PIK3AP1: variants seen among roughly 807,000 people sequenced by gnomAD.
PIK3AP1 encodes the protein phosphoinositide 3-kinase adapter protein 1.
A neutral mutation model predicts 88.1 loss-of-function variants in PIK3AP1; 21 were observed. The ratio of observed to expected loss-of-function variants is 0.24; its 90% confidence interval spans 0.17 to 0.34. The LOEUF is 0.34. PIK3AP1 is among the 10% of genes least tolerant of loss of function. The probability of loss-of-function intolerance (pLI) is 1.00; values close to 1 mark genes in which losing one functional copy is unlikely to be tolerated. For missense variants in PIK3AP1, 828 were observed against 1,035.7 expected (o/e 0.80, Z 2.75); for synonymous variants, 398 against 400.0 (o/e 1.00, Z 0.06).
At chr10:96,661,823 AGGACAGGAAAGGAAAGGGAAAAGGGAAAG>A (rs1843691208) in intron 2 of PIK3AP1, among the ~76,000 whole-genome samples, 1 of 147,114 alleles carries the variant, frequency 6.8e-6, no homozygotes, top group East Asian at 2.0e-4. Context: ...AGGACAGGAC[AGGACAGGAAAGGAAAGGGAAAAGGGAAAG>A]GGAAAGGAAA....
At chr10:96,701,542 C>T (rs535337194) in intron 2 of PIK3AP1, among the ~76,000 whole-genome samples, 1 of 152,334 alleles carries the variant, frequency 6.6e-6, no homozygotes, top group South Asian at 2.1e-4. Flanking sequence ...AACCATTCAT[C>T]TTCTTATGAA....
Position 96,599,106 on chromosome 10 carries a change from T to C in PIK3AP1, c.2360+3174A>G, listed in dbSNP as rs79878842. 2.6e-5 allele frequency among the ~76,000 whole-genome samples: 4 copies of C among 151,750 alleles called. No individual in the cohort carries two copies. The East Asian group carries it at 5.8e-4, about 22-fold the overall frequency. ...AAGAATGAACTTAGGCACTAGCAGA[T>C]GGAAAGGAGGGCGGATCTGACAGCT... On this transcript the variant is annotated intron_variant, in intron 16 of 16. Transcript: ENST00000339364.
intron 1 of PIK3AP1, among the ~76,000 whole-genome samples, chr10:96,710,225 T>C (rs992084808): frequency 6.6e-6 from 1 of 151,794 alleles, no homozygotes; most frequent in Non-Finnish European, 1.5e-5. Flanking sequence ...TATTTATTTA[T>C]TTATTTATTT....
rs373081849 is a variant in PIK3AP1 at position 96,663,627 on chromosome 10, CAAAAAAAAAAA to C, written c.431-6704_431-6694del. Among the ~76,000 whole-genome samples the C allele has an allele frequency of 1.3e-3, 54 of 42,988 alleles. No individual in the cohort carries two copies. The Middle Eastern group carries it at 0.091, about 72-fold the overall frequency. The allele number at this position is 42,988 out of a possible 152,430, so 28.2% of individuals were successfully genotyped here. ...CCTGGGCAACAGAGTGAGACTCCGT[CAAAAAAAAAAA>C]AAAAAAAAAAAAAAAAGAAACCCAT... On this transcript the variant is annotated intron_variant, in intron 2 of 16. Coordinates refer to ENST00000339364, the MANE Select transcript of PIK3AP1 (RefSeq NM_152309.3).
chr10:96,710,344 C>T (rs569722924), intron 1 of PIK3AP1, among the ~76,000 whole-genome samples: 1 of 152,282 alleles, frequency 6.6e-6, no homozygotes, highest in African/African-American at 2.4e-5. Context: ...GCCTCAGCCT[C>T]CCAAGTAACT....
At chr10:96,707,161 C>T (rs1844374692) in intron 2 of PIK3AP1, among the ~76,000 whole-genome samples, 1 of 152,208 alleles carries the variant, frequency 6.6e-6, no homozygotes, top group South Asian at 2.1e-4. Context: ...GCATACTGAA[C>T]TACAGTCTTT....
In PIK3AP1 at chr10:96,634,382, A is replaced by T. The variant is rs189131723; in HGVS notation, c.1376-5889T>A. ...CAAACTTAAGTCAGAGAAAGGCAGC[A>T]GCTGAAACCAGGCAATTAATAGAGA... On this transcript the variant is annotated intron_variant, in intron 8 of 16. Coordinates refer to ENST00000339364, the MANE Select transcript of PIK3AP1 (RefSeq NM_152309.3). 7.2e-5 allele frequency among the ~76,000 whole-genome samples: 11 copies of T among 152,352 alleles called. No homozygotes were observed. In the East Asian group the frequency reaches 1.9e-3, roughly 27 times the overall value.
intron 8 of PIK3AP1, among the ~76,000 whole-genome samples, chr10:96,628,879 T>TATAC (rs1564961151): frequency 0.067 from 687 of 10,284 alleles, 76 homozygotes; most frequent in South Asian, 0.14. Context: ...TATACACATA[T>TATAC]ATATATATAC....
intron 14 of PIK3AP1, among the ~76,000 whole-genome samples, chr10:96,604,553 C>T (rs1427674533): frequency 6.6e-6 from 1 of 152,030 alleles, no homozygotes; most frequent in Non-Finnish European, 1.5e-5. Context: ...AAATTATTCA[C>T]TTTTTGATGA....
intron 13 of PIK3AP1, among the ~76,000 whole-genome samples, chr10:96,614,772 C>T (rs1476435497): frequency 6.6e-6 from 1 of 152,124 alleles, no homozygotes; most frequent in East Asian, 1.9e-4. Flanking sequence ...GTGGTGTCAC[C>T]AAATAGTTTC....
chr10:96,613,577 G>A (rs1447350075), intron 13 of PIK3AP1, among the ~76,000 whole-genome samples: 4 of 152,320 alleles, frequency 2.6e-5, no homozygotes, highest in African/African-American at 7.2e-5. Flanking sequence ...GCTTCTTGGA[G>A]AGTCGGGGAT....
chr10:96,686,267 A>G (rs1161593575), intron 2 of PIK3AP1, among the ~76,000 whole-genome samples: 1 of 152,212 alleles, frequency 6.6e-6, no homozygotes, highest in Non-Finnish European at 1.5e-5. Flanking sequence ...ACTTCAACCC[A>G]ACAGCCAGCC....
Position 96,628,422 on chromosome 10 carries a change from A to C in PIK3AP1, c.1447T>G (p.Ser483Ala). 1.2e-6 allele frequency: 2 copies of C among 1,612,822 alleles called. No homozygotes were observed. Among genetic ancestry groups the C allele is most frequent in the South Asian group, 2.2e-5 (2 of 91,052 alleles). ...GDGFSRATKDSMIRKFLEGNS... is the reference protein window; with the variant it reads ...GDGFSRATKDAMIRKFLEGNS... ...CCTTCTAAAAACTTGCGGATCATAG[A>C]GTCCTTAGTGGCCCGAGAGAAACCA... The change falls in exon 9 of 17, where the codon TCT becomes GCT. Residue 483 changes from serine to alanine, a missense_variant. Coordinates refer to ENST00000339364, the MANE Select transcript of PIK3AP1 (RefSeq NM_152309.3).
At chr10:96,678,661 A>C (rs1292522116) in intron 2 of PIK3AP1, among the ~76,000 whole-genome samples, 2 of 152,176 alleles carry the variant, frequency 1.3e-5, no homozygotes, top group African/African-American at 4.8e-5. Context: ...TAAAACAGGT[A>C]GAAAATTCCT....
Position 96,602,342 on chromosome 10 carries a change from A to G in PIK3AP1, c.2298T>C (p.Asp766=), listed in dbSNP as rs1370881954. Residue 766 remains aspartate, a synonymous_variant, in exon 16 of 17, where the codon GAT becomes GAC. Coordinates refer to ENST00000339364, the MANE Select transcript of PIK3AP1 (RefSeq NM_152309.3). Reference sequence around the variant, plus strand: ...TCTCGAGGGACATGGTGGGTGTCCCATCCACTTGTGGGGGGCCTGGACTGC... The same window carrying G: ...TCTCGAGGGACATGGTGGGTGTCCCGTCCACTTGTGGGGGGCCTGGACTGC... ...RSRSPGPPQV[D]GTPTMSLERP... 1.9e-6 allele frequency: 3 copies of G among 1,612,430 alleles called. No homozygotes were observed. The Admixed American group carries it at 5.0e-5, about 27-fold the overall frequency.
chr10:96,653,272 G>T (rs11188874), intron 3 of PIK3AP1, among the ~76,000 whole-genome samples: 53,276 of 150,452 alleles, frequency 0.35, 11,555 homozygotes, highest in Non-Finnish European at 0.48. Flanking sequence ...AGGAGTGGTG[G>T]TGGGTGCCTG....
At chr10:96,633,607 G>C (rs1175513927) in intron 8 of PIK3AP1, among the ~76,000 whole-genome samples, 1 of 152,102 alleles carries the variant, frequency 6.6e-6, no homozygotes, top group Non-Finnish European at 1.5e-5. Context: ...CTATACCCAG[G>C]CTAATGTCCT....
intron 2 of PIK3AP1, among the ~76,000 whole-genome samples, chr10:96,668,596 A>G (rs1332593747): frequency 6.6e-6 from 1 of 152,196 alleles, no homozygotes; most frequent in Admixed American, 6.5e-5. Flanking sequence ...CAAAAATGGA[A>G]TTAAACAGAA....
At chr10:96,711,800 G>A (rs1043876807) in intron 1 of PIK3AP1, among the ~76,000 whole-genome samples, 1 of 133,272 alleles carries the variant, frequency 7.5e-6, no homozygotes, top group African/African-American at 2.9e-5. Flanking sequence ...GCCCAGGCTG[G>A]AGCGCAGTGG....
Sources: gnomAD v4.1 joint callset for allele counts (sites outside exome capture counted in the v4.1 genomes callset) on GRCh38, gnomAD v4.1.1 for gene constraint, MANE v1.5 for transcripts, NCBI Gene and HGNC (gene_info 2026-07-23, HGNC 2026-07-21) for gene names.